Variants in AKAP13 observed in about 807,000 individuals in gnomAD.
AKAP13 encodes the protein A-kinase anchor protein 13.
A neutral mutation model predicts 264.5 loss-of-function variants in AKAP13; 80 were observed. The ratio of observed to expected loss-of-function variants is 0.30; its 90% CI spans 0.25 to 0.36. The LOEUF (loss-of-function observed/expected upper bound fraction) is 0.36. Ranked by LOEUF, AKAP13 falls within the 10% of genes least tolerant of loss-of-function variation. The pLI, the probability that AKAP13 is intolerant of heterozygous loss-of-function variation, is 1.00. For synonymous variants in AKAP13, 1,380 were observed against 1,250.2 expected (o/e 1.10, Z -2.19); for missense variants, 3,712 against 3,435.2 (o/e 1.08, Z -2.01).
chr15:85,678,683 G>A (rs1302900624), intron 14 of AKAP13, among the ~76,000 whole-genome samples: 3 of 151,850 alleles, frequency 2.0e-5, no homozygotes, highest in South Asian at 4.2e-4. Flanking sequence ...CCAACATGAC[G>A]AAACCATGTC....
At chr15:85,393,269 A>G (rs1285314530) in intron 1 of AKAP13, among the ~76,000 whole-genome samples, 1 of 152,218 alleles carries the variant, frequency 6.6e-6, no homozygotes, top group Non-Finnish European at 1.5e-5. Context: ...ATAGAAAGGA[A>G]CTATAGATGA....
chr15:85,582,869 T>C, intron 7 of AKAP13: 4 of 985,510 alleles, frequency 4.1e-6, no homozygotes, highest in Non-Finnish European at 4.8e-6. Context: ...AGACCTTGTG[T>C]CTGCTTTATC....
intron 1 of AKAP13, among the ~76,000 whole-genome samples, chr15:85,477,652 A>T (rs529585702): frequency 9.7e-4 from 147 of 151,874 alleles, no homozygotes; most frequent in African/African-American, 3.4e-3. Context: ...AAAAAAAAAA[A>T]AAAAAAGGCA....
At chr15:85,548,483 G>A (rs941669040) in intron 5 of AKAP13, among the ~76,000 whole-genome samples, 2 of 152,110 alleles carry the variant, frequency 1.3e-5, no homozygotes, top group African/African-American at 2.4e-5. Flanking sequence ...ATCTAAGCTT[G>A]CCTACTTAGT....
At chr15:85,635,879 A>AT (rs2082049764) in intron 8 of AKAP13, among the ~76,000 whole-genome samples, 1 of 152,194 alleles carries the variant, frequency 6.6e-6, no homozygotes, top group Non-Finnish European at 1.5e-5. Context: ...TCAATGGGCC[A>AT]TATCTGTGAA....
At chr15:85,615,505 CTAT>C (rs1255184418) in intron 8 of AKAP13, among the ~76,000 whole-genome samples, 1 of 152,164 alleles carries the variant, frequency 6.6e-6, no homozygotes, top group Non-Finnish European at 1.5e-5. Flanking sequence ...TTGAAGCAGT[CTAT>C]TATCTAAGCA....
At chr15:85,703,716 A>G (rs1248294195) in intron 17 of AKAP13, among the ~76,000 whole-genome samples, 1 of 151,970 alleles carries the variant, frequency 6.6e-6, no homozygotes, top group Non-Finnish European at 1.5e-5. Flanking sequence ...AGTGGCATGG[A>G]CCGGTAATCC....
At chr15:85,508,069 C>G (rs186814096) in intron 2 of AKAP13, among the ~76,000 whole-genome samples, 2 of 152,070 alleles carry the variant, frequency 1.3e-5, no homozygotes, top group Non-Finnish European at 2.9e-5. Flanking sequence ...AAGATATTCT[C>G]AAAGCATTTC....
chr15:85,431,607 A>C (rs957051034), intron 1 of AKAP13, among the ~76,000 whole-genome samples: 7 of 152,160 alleles, frequency 4.6e-5, no homozygotes, highest in Admixed American at 3.3e-4. Flanking sequence ...TCAGGTGATG[A>C]GGTGCTGGTT....
At chr15:85,590,902 A>G (rs2079554008) in intron 8 of AKAP13, among the ~76,000 whole-genome samples, 1 of 152,232 alleles carries the variant, frequency 6.6e-6, no homozygotes, top group African/African-American at 2.4e-5. Context: ...TAGTATTATT[A>G]TTAGTTTAGT....
chr15:85,650,039 G>C (rs1567174972), intron 10 of AKAP13, among the ~76,000 whole-genome samples: 1 of 151,996 alleles, frequency 6.6e-6, no homozygotes, highest in Non-Finnish European at 1.5e-5. Context: ...AAAACCTAAA[G>C]GGAACATCCT....
At position 85,741,116 on chromosome 15, in the gene AKAP13, G is replaced by A; in HGVS notation, c.7679G>A (p.Arg2560His). The A allele has an allele frequency of 6.2e-7, 1 of 1,613,670 alleles. No homozygotes were observed. Among genetic ancestry groups the A allele is most frequent in the Non-Finnish European group, 8.5e-7 (1 of 1,179,862 alleles). ...KLVLSERALT[R>H]SLSRPSSLIE... is the part of the protein sequence containing the mutation. ...GTGCTGAGCGAGAGGGCGCTCACTC[G>A]CAGCTTGTCCCGCCCGAGCTCCCTC... The change falls in exon 35 of 37, where the codon CGC (arginine) becomes CAC (histidine). Residue 2560 changes from arginine to histidine, a missense_variant. Coordinates refer to ENST00000394518, the MANE Select transcript of AKAP13 (RefSeq NM_007200.5).
chr15:85,623,591 G>A (rs973176336), intron 8 of AKAP13, among the ~76,000 whole-genome samples: 3 of 152,136 alleles, frequency 2.0e-5, no homozygotes, highest in African/African-American at 7.2e-5. Flanking sequence ...TTTCCCTGAG[G>A]CTGGGTACGC....
At chr15:85,689,331 C>T (rs1597069021) in intron 16 of AKAP13, among the ~76,000 whole-genome samples, 1 of 152,320 alleles carries the variant, frequency 6.6e-6, no homozygotes, top group South Asian at 2.1e-4. Flanking sequence ...CTCATTCCTT[C>T]TTTGATTAAA....
chr15:85,414,375 TA>T (rs957764955), intron 1 of AKAP13, among the ~76,000 whole-genome samples: 62 of 151,764 alleles, frequency 4.1e-4, no homozygotes, highest in African/African-American at 1.4e-3. Flanking sequence ...AGTAGCACAG[TA>T]AAAAAAAATC....
At position 85,736,061 on chromosome 15, in the gene AKAP13, T is replaced by G. The variant is rs2088462159; in HGVS notation, c.7513-29T>G. ...TCATTTTTGCATCAAGATCTTCATTTTTTTATATGTATGTTTTTTGTTTTA... is the reference window on the plus strand; with the variant it reads ...TCATTTTTGCATCAAGATCTTCATTGTTTTATATGTATGTTTTTTGTTTTA... On this transcript the variant is annotated intron_variant, in intron 32 of 36. Coordinates refer to ENST00000394518, the MANE Select transcript of AKAP13 (RefSeq NM_007200.5). 1.9e-6 allele frequency: 3 copies of G among 1,540,888 alleles called. No homozygotes were observed. In the East Asian group the frequency reaches 6.7e-5, roughly 35 times the overall value.
intron 2 of AKAP13, among the ~76,000 whole-genome samples, chr15:85,492,245 A>G (rs994698697): frequency 3.9e-5 from 6 of 152,240 alleles, no homozygotes; most frequent in Admixed American, 1.3e-4. Flanking sequence ...GGCCAAGCAC[A>G]GTGGCTCATG....
intron 7 of AKAP13, among the ~76,000 whole-genome samples, chr15:85,583,421 A>G (rs749327568): frequency 3.9e-5 from 6 of 152,068 alleles, no homozygotes; most frequent in Non-Finnish European, 7.4e-5. Context: ...AGAATTTTTG[A>G]TGACTTTAGC....
intron 11 of AKAP13, among the ~76,000 whole-genome samples, chr15:85,656,405 C>T (rs1298471758): frequency 1.3e-5 from 2 of 152,128 alleles, no homozygotes; most frequent in Non-Finnish European, 2.9e-5. Flanking sequence ...AGTATCAGTC[C>T]TTCAATTTGG....
Sources: allele counts gnomAD v4.1 joint callset (sites outside exome capture counted in the v4.1 genomes callset), GRCh38; gene constraint gnomAD v4.1.1; transcripts MANE v1.5; gene names NCBI Gene and HGNC (gene_info 2026-07-23, HGNC 2026-07-21).